CCDC171: variants seen among roughly 807,000 people sequenced by gnomAD.
The protein encoded by CCDC171 is coiled-coil domain-containing protein 171.
A neutral mutation model predicts 168.2 loss-of-function variants in CCDC171; 177 were observed. The observed-to-expected ratio is 1.05, with a 90% confidence interval of 0.93 to 1.19. The LOEUF is 1.19. CCDC171 is among the 50% of genes most tolerant of loss of function. CCDC171 has a pLI of 0.00. For synonymous variants in CCDC171, 687 were observed against 540.8 expected (o/e 1.27, Z -3.75); for missense variants, 1,991 against 1,539.0 (o/e 1.29, Z -4.91).
intron 7 of CCDC171, among the ~76,000 whole-genome samples, chr9:15,631,891 A>G (rs2045740736): frequency 1.3e-5 from 2 of 152,216 alleles, no homozygotes; most frequent in African/African-American, 4.8e-5. Context: ...AATGTAATCC[A>G]TCATATAAAC....
the CCDC171 span, among the ~76,000 whole-genome samples, chr9:16,096,416 G>A: frequency 1.3e-5 from 2 of 152,146 alleles, no homozygotes; most frequent in East Asian, 3.9e-4. Flanking sequence ...ACCCAAAAGA[G>A]GATTATATGC....
At chr9:15,662,968 G>GTA (rs2048434071) in intron 8 of CCDC171, among the ~76,000 whole-genome samples, 1 of 145,542 alleles carries the variant, frequency 6.9e-6, no homozygotes, top group South Asian at 2.2e-4. Context: ...GGGACAACGC[G>GTA]AGACTTCGTC....
At position 15,820,029 on chromosome 9, in the gene CCDC171, A is replaced by G. The variant is rs559301597; in HGVS notation, c.3268-26673A>G. ...TGCAATCAAACTAGAACACAGGATT[A>G]AGAAACTCACTCAAAACTGCTCAAC... On this transcript the variant is annotated intron_variant, in intron 21 of 25. Coordinates refer to ENST00000380701, the MANE Select transcript of CCDC171 (RefSeq NM_173550.4). Among the ~76,000 whole-genome samples, 21 of 118,250 alleles carry G rather than the reference A, an allele frequency of 1.8e-4. 6 individuals carry two copies. Among genetic ancestry groups the G allele is most frequent in the African/African-American group, 6.7e-4 (21 of 31,508 alleles). 77.6% of individuals were successfully genotyped at this position (118,250 alleles called of 152,430 possible).
chr9:15,559,409 G>A (rs1470202862), intron 1 of CCDC171, among the ~76,000 whole-genome samples: 2 of 152,106 alleles, frequency 1.3e-5, no homozygotes, highest in Non-Finnish European at 2.9e-5. Flanking sequence ...TATGAATCTG[G>A]CTGCTCCCGT....
At position 15,993,892 on chromosome 9, in the gene CCDC171, A is replaced by G. The variant is rs144549677; in HGVS notation, n.369-26697A>G. Among the ~76,000 whole-genome samples, 1,298 of 152,312 alleles carry G rather than the reference A, an allele frequency of 8.5e-3. 14 individuals are homozygous for G. Among genetic ancestry groups the G allele is most frequent in the African/African-American group, 0.029 (1,211 of 41,558 alleles). On this transcript the variant is annotated intron_variant and non_coding_transcript_variant, in intron 3 of 9. Coordinates refer to the CCDC171 transcript ENST00000486641. ...CAAATCGAAACCACAATGAGATACC[A>G]TCTTACACCAGTTAGAATGGTGATC...
intron 7 of CCDC171, among the ~76,000 whole-genome samples, chr9:15,653,397 C>T (rs1301718463): frequency 6.6e-6 from 1 of 151,928 alleles, no homozygotes; most frequent in African/African-American, 2.4e-5. Context: ...CTGAGTTGGC[C>T]TTCTGAAGTG....
In CCDC171 at chr9:15,779,041, G is replaced by A. The variant is rs1268819944; in HGVS notation, c.2972G>A (p.Arg991His). 5.6e-6 allele frequency: 9 copies of A among 1,602,434 alleles called. No homozygotes were observed. The highest frequency in any genetic ancestry group is 2.6e-6 in the Non-Finnish European group (3 of 1,174,786). ...CTGCATGCTGCAGAAGTGGAGCGCCGCTCACTACGCTTAGAGGTCACAGAA... is the reference window on the plus strand; with the variant it reads ...CTGCATGCTGCAGAAGTGGAGCGCCACTCACTACGCTTAGAGGTCACAGAA... ...QRLHAAEVERRSLRLEVTEFK... is the reference protein window; with the variant it reads ...QRLHAAEVERHSLRLEVTEFK... The change falls in exon 20 of 26, where the codon CGC becomes CAC. Residue 991 changes from arginine to histidine, a missense_variant. By Grantham distance (29) the Arg-to-His change is conservative. Transcript: ENST00000380701.
chr9:15,721,653 A>G (rs1441151459), intron 11 of CCDC171, 116 bp from the exon 12 acceptor site: 3 of 416,450 alleles, frequency 7.2e-6, no homozygotes, highest in Non-Finnish European at 1.3e-5. Flanking sequence ...CCAAGTATTA[A>G]TAGTTTCATA....
chr9:15,795,611 C>G (rs1443344072), intron 21 of CCDC171, among the ~76,000 whole-genome samples: 2 of 152,050 alleles, frequency 1.3e-5, no homozygotes, highest in South Asian at 2.1e-4. Context: ...TAGCTGGAGG[C>G]CAGAGTTGAT....
chr9:15,609,843 C>T (rs2043519498), intron 6 of CCDC171, among the ~76,000 whole-genome samples: 1 of 152,100 alleles, frequency 6.6e-6, no homozygotes. Flanking sequence ...ATGTGAGTTT[C>T]AGGAATGGCT....
rs918691196 is a variant in CCDC171, at chr9:15,690,830, G to A, written c.1216-4405G>A. ...AATGAATGATATAATATAAAAATGG[G>A]CACATGATATGAACAGGCAATGCAC... On this transcript the variant is annotated intron_variant, in intron 10 of 25. Transcript: ENST00000380701. Among the ~76,000 whole-genome samples, 4 of 152,052 alleles carry A rather than the reference G, an allele frequency of 2.6e-5. No individual in the cohort carries two copies. The South Asian group carries it at 6.2e-4, about 24-fold the overall frequency.
intron 11 of CCDC171, among the ~76,000 whole-genome samples, chr9:15,695,865 TAGCCCACTTCATATGATAAAG>T (rs2051173433): frequency 6.6e-6 from 1 of 152,236 alleles, no homozygotes; most frequent in Non-Finnish European, 1.5e-5. Flanking sequence ...TTGTAGTTAT[TAGCCCACTTCATATGATAAAG>T]AGCTATAAAA....
chr9:16,057,123 T>A (rs1423303434), intron 1 of CCDC171, among the ~76,000 whole-genome samples: 1 of 152,242 alleles, frequency 6.6e-6, no homozygotes, highest in African/African-American at 2.4e-5. Context: ...ATGAATGACA[T>A]CCTTTTATAT....
rs539724287 is a variant in CCDC171 at position 15,968,691 on chromosome 9, C to T, written c.3754-2918C>T. Among the ~76,000 whole-genome samples, 14 of 151,982 alleles carry T rather than the reference C, an allele frequency of 9.2e-5. No individual in the cohort carries two copies. The South Asian group carries it at 2.1e-3, about 23-fold the overall frequency. On this transcript the variant is annotated intron_variant, in intron 25 of 25. Transcript: ENST00000380701. ...CCTCCTGAGTAGCTGGGATTACAGG[C>T]GCCCGCCCAACTGATTTTTATATTT...
intron 2 of CCDC171, 30 bp from the exon 3 acceptor site, chr9:15,571,594 T>C (rs1405590700): frequency 6.7e-7 from 1 of 1,487,524 alleles, no homozygotes; most frequent in Non-Finnish European, 9.0e-7. Flanking sequence ...ATGAGAAGCA[T>C]ATACATTTTA....
chr9:15,746,363 A>G (rs1307080713), intron 18 of CCDC171, among the ~76,000 whole-genome samples: 2 of 152,176 alleles, frequency 1.3e-5, no homozygotes, highest in East Asian at 1.9e-4. Context: ...TAGATTATTC[A>G]TTGTGATTTC....
At chr9:16,095,037 C>T in the CCDC171 span, among the ~76,000 whole-genome samples, 1 of 152,214 alleles carries the variant, frequency 6.6e-6, no homozygotes, top group African/African-American at 2.4e-5. Context: ...CTTCCCTTCT[C>T]TTTCCTCTGT....
chr9:15,893,302 T>G (rs1156408063), intron 24 of CCDC171, among the ~76,000 whole-genome samples: 1 of 152,130 alleles, frequency 6.6e-6, no homozygotes, highest in Non-Finnish European at 1.5e-5. Flanking sequence ...ATTAAAGACT[T>G]AAATGTAAAA....
chr9:15,771,381 A>G (rs986137442), intron 18 of CCDC171, among the ~76,000 whole-genome samples: 2 of 152,160 alleles, frequency 1.3e-5, no homozygotes, highest in African/African-American at 2.4e-5. Flanking sequence ...ACCTTTATCA[A>G]TGTAAAAGGC....
Sources: gnomAD v4.1 joint callset for allele counts (sites outside exome capture counted in the v4.1 genomes callset) on GRCh38, gnomAD v4.1.1 for gene constraint, MANE v1.5 for transcripts, NCBI Gene and HGNC (gene_info 2026-07-23, HGNC 2026-07-21) for gene names.